Variants in HECW1 observed in about 807,000 individuals in gnomAD.
HECW1 encodes the protein HECT, C2 and WW domain containing E3 ubiquitin protein ligase 1.
Under a neutral mutation model 182.3 loss-of-function variants are expected in HECW1, and 61 were observed. That is an observed-to-expected ratio of 0.33 (90% CI 0.27 to 0.41). The LOEUF is 0.41. Among genes scored for constraint, HECW1 ranks in the 10% least tolerant of loss-of-function variants. HECW1 has a pLI of 1.00. For missense variants in HECW1, 1,739 were observed against 2,108.9 expected (o/e 0.82, Z 3.44); for synonymous variants, 859 against 832.6 (o/e 1.03, Z -0.55).
chr7:43,396,668 G>T (rs889514118), intron 6 of HECW1, 146 bp from the exon 7 acceptor site: 4 of 597,094 alleles, frequency 6.7e-6, no homozygotes, highest in Non-Finnish European at 1.2e-5. Flanking sequence ...CTAGAAAGTT[G>T]TTTTAATCAA....
intron 5 of HECW1, among the ~76,000 whole-genome samples, chr7:43,330,352 C>T (rs914844229): frequency 6.6e-5 from 10 of 152,230 alleles, no homozygotes; most frequent in Admixed American, 5.9e-4. Context: ...CATCCTCAAC[C>T]AGGCAAGAGG....
intron 8 of HECW1, among the ~76,000 whole-genome samples, chr7:43,414,948 T>C (rs984190847): frequency 2.6e-5 from 4 of 152,204 alleles, no homozygotes; most frequent in African/African-American, 9.7e-5. Flanking sequence ...CCGGCTTTGG[T>C]ATCAGAATGA....
At position 43,444,659 on chromosome 7, in the gene HECW1, G is replaced by T. The variant is rs767968550; in HGVS notation, c.1487G>T (p.Arg496Leu). ...GAGGAGGAAGCAACGACCCAGAGCC[G>T]GGCTGGAAGGGAAGAAGAGGAGAAG... ...PLEEEATTQS[R>L]AGREEEEKEQ... The change falls in exon 11 of 30, where the codon CGG (arginine) becomes CTG (leucine). Residue 496 changes from arginine (R) to leucine (L), a missense_variant. Coordinates refer to ENST00000395891, the MANE Select transcript of HECW1 (RefSeq NM_015052.5). This position sits in a 1 kb window ranked among gnomAD's most constrained non-coding sequence, Gnocchi z 4.3. 3 of 1,605,616 alleles carry T rather than the reference G, an allele frequency of 1.9e-6. No homozygotes were observed. In the South Asian group the frequency reaches 3.3e-5, roughly 18 times the overall value.
intron 2 of HECW1, among the ~76,000 whole-genome samples, chr7:43,115,056 G>A (rs1050477027): frequency 3.3e-5 from 5 of 152,204 alleles, no homozygotes; most frequent in Non-Finnish European, 5.9e-5. Context: ...CATTCCTCAT[G>A]GTAAAGGAAG....
intron 24 of HECW1, among the ~76,000 whole-genome samples, chr7:43,529,281 C>T (rs2080885431): frequency 6.6e-6 from 1 of 152,104 alleles, no homozygotes; most frequent in South Asian, 2.1e-4. Context: ...CATCCCAGGC[C>T]TCCTGAGCGC....
chr7:43,177,892 T>A (rs1455255112), intron 2 of HECW1, among the ~76,000 whole-genome samples: 1 of 152,196 alleles, frequency 6.6e-6, no homozygotes, highest in Non-Finnish European at 1.5e-5. Flanking sequence ...ACTGTCTCCC[T>A]CTTCTGAATA....
chr7:43,556,721 G>T (rs2082039463), intron 29 of HECW1, among the ~76,000 whole-genome samples: 2 of 151,354 alleles, frequency 1.3e-5, no homozygotes, highest in South Asian at 4.2e-4. Flanking sequence ...AAAGAAAAAA[G>T]AAAAGACCGT....
intron 6 of HECW1, among the ~76,000 whole-genome samples, chr7:43,383,851 A>G (rs77073972): frequency 0.079 from 11,973 of 152,192 alleles, 579 homozygotes; most frequent in East Asian, 0.22. Flanking sequence ...CATATTTTAT[A>G]TGTTATTTGT....
At chr7:43,123,213 T>C (rs1785822092) in intron 2 of HECW1, among the ~76,000 whole-genome samples, 1 of 152,220 alleles carries the variant, frequency 6.6e-6, no homozygotes, top group East Asian at 1.9e-4. Flanking sequence ...ACATTTCTTG[T>C]CTTTACAGAG....
intron 4 of HECW1, among the ~76,000 whole-genome samples, chr7:43,319,393 C>CAAAAAA (rs529109893): frequency 3.0e-5 from 2 of 67,714 alleles, no homozygotes; most frequent in East Asian, 5.1e-4. Context: ...GACTCCGTCT[C>CAAAAAA]AAAAAAAAAA....
At chr7:43,396,123 C>T (rs772046441) in intron 6 of HECW1, among the ~76,000 whole-genome samples, 4 of 152,146 alleles carry the variant, frequency 2.6e-5, no homozygotes, top group Non-Finnish European at 5.9e-5. Context: ...CTGAATAAAA[C>T]CTTCCTAGAA....
At chr7:43,156,410 T>C (rs970799442) in intron 2 of HECW1, among the ~76,000 whole-genome samples, 6 of 152,208 alleles carry the variant, frequency 3.9e-5, no homozygotes, top group African/African-American at 1.4e-4. Context: ...ATTTCTCTTA[T>C]CTTAGTACCT....
intron 8 of HECW1, among the ~76,000 whole-genome samples, chr7:43,433,219 T>C (rs1347582837): frequency 1.3e-5 from 2 of 152,252 alleles, no homozygotes; most frequent in Admixed American, 6.5e-5. Flanking sequence ...TTACAGATCA[T>C]TGGACTAAAT....
At chr7:43,365,586 TTA>T (rs1432899898) in intron 6 of HECW1, among the ~76,000 whole-genome samples, 1 of 152,214 alleles carries the variant, frequency 6.6e-6, no homozygotes, top group Admixed American at 6.5e-5. Flanking sequence ...CCCATCAGGA[TTA>T]TGTTACACTG....
chr7:43,311,181 T>TA (rs1297643019), intron 3 of HECW1, among the ~76,000 whole-genome samples: 1 of 152,178 alleles, frequency 6.6e-6, no homozygotes, highest in African/African-American at 2.4e-5. Flanking sequence ...ATTCAAAGAG[T>TA]ACTAGGATGT....
At chr7:43,267,908 G>A (rs1467339455) in intron 3 of HECW1, among the ~76,000 whole-genome samples, 9 of 152,026 alleles carry the variant, frequency 5.9e-5, no homozygotes, top group Non-Finnish European at 8.8e-5. Context: ...TATAAAACTT[G>A]CCAGATAATT....
At chr7:43,414,546 G>A (rs1334567439) in intron 8 of HECW1, among the ~76,000 whole-genome samples, 3 of 151,078 alleles carry the variant, frequency 2.0e-5, no homozygotes, top group African/African-American at 7.3e-5. Flanking sequence ...TTTTCAAAGG[G>A]AATGCTTCCA....
intron 6 of HECW1, among the ~76,000 whole-genome samples, chr7:43,384,497 T>A (rs1208945265): frequency 6.6e-6 from 1 of 152,184 alleles, no homozygotes; most frequent in Non-Finnish European, 1.5e-5. Context: ...CCATGTGGCA[T>A]GTCCATAGGA....
intron 17 of HECW1, among the ~76,000 whole-genome samples, chr7:43,480,666 TACAC>T: frequency 6.7e-6 from 1 of 149,136 alleles, no homozygotes; most frequent in East Asian, 2.0e-4. Flanking sequence ...TGTATATATA[TACAC>T]ACACATATAT....
Sources: gnomAD v4.1 joint callset for allele counts (sites outside exome capture counted in the v4.1 genomes callset) on GRCh38, gnomAD v4.1.1 for gene constraint, Gnocchi (gnomAD v3.1) non-coding constraint, MANE v1.5 for transcripts, NCBI Gene and HGNC (gene_info 2026-07-23, HGNC 2026-07-21) for gene names.